MYH9: variants seen among roughly 807,000 people sequenced by gnomAD.
MYH9 encodes the protein myosin-9.
Under a neutral mutation model 241.9 loss-of-function variants are expected in MYH9, and 29 were observed. The ratio of observed to expected loss-of-function variants is 0.12; its 90% CI spans 0.09 to 0.16. MYH9 has a LOEUF of 0.16. Ranked by LOEUF, MYH9 falls within the 10% of genes least tolerant of loss-of-function variation. The probability of loss-of-function intolerance (pLI) is 1.00; values close to 1 mark genes in which losing one functional copy is unlikely to be tolerated. For synonymous variants in MYH9, 1,047 were observed against 1,062.6 expected (o/e 0.99, Z 0.29); for missense variants, 1,803 against 2,595.5 (o/e 0.69, Z 6.63).
chr22:36,351,445 G>A (rs977341163), intron 1 of MYH9, among the ~76,000 whole-genome samples: 1 of 152,186 alleles, frequency 6.6e-6, no homozygotes, highest in African/African-American at 2.4e-5. Context: ...TTTGCTGCGG[G>A]TCTGAGGTCT....
intron 1 of MYH9, among the ~76,000 whole-genome samples, chr22:36,371,759 T>G (rs1395914594): frequency 3.3e-5 from 5 of 151,974 alleles, no homozygotes; most frequent in Admixed American, 2.6e-4. Context: ...GGTCTCGAAC[T>G]CCTGACCTCA....
Position 36,286,739 on chromosome 22 carries a change from G to C in MYH9, c.5040C>G (p.Ala1680=). 2 of 1,612,992 alleles carry C rather than the reference G, an allele frequency of 1.2e-6. No individual in the cohort carries two copies. Among genetic ancestry groups the C allele is most frequent in the Non-Finnish European group, 1.7e-6 (2 of 1,180,030 alleles). ...ENEKKLKSME[A]EMIQLQEELA... Reference sequence around the variant, plus strand: ...CCACCTCCTGCAACTGGATCATCTCGGCCTCCATGCTCTTCAGCTTCTTCT... The same window carrying C: ...CCACCTCCTGCAACTGGATCATCTCCGCCTCCATGCTCTTCAGCTTCTTCT... The change falls in exon 35 of 41, where the codon GCC becomes GCG. Residue 1680 remains alanine (A), a synonymous_variant. Coordinates refer to ENST00000216181, the MANE Select transcript of MYH9 (RefSeq NM_002473.6).
At chr22:36,337,997 CTTT>C (rs80110900) in intron 3 of MYH9, among the ~76,000 whole-genome samples, 1 of 142,816 alleles carries the variant, frequency 7.0e-6, no homozygotes. Context: ...ACTTTCTTTT[CTTT>C]TTTTTTTTTT....
Position 36,284,150 on chromosome 22 carries a change from G to A in MYH9, c.5708C>T (p.Ala1903Val), listed in dbSNP as rs1429282349. 1 of 1,614,188 alleles carries A rather than the reference G, an allele frequency of 6.2e-7. No individual in the cohort carries two copies. The highest frequency in any genetic ancestry group is 1.3e-5 in the African/African-American group (1 of 75,084). The change falls in exon 40 of 41, where the codon GCC becomes GTC. Residue 1903 changes from alanine to valine, a missense_variant. By Grantham distance (64) the Ala-to-Val change is moderately conservative. This residue lies in a region of MYH9 where 876 missense variants were observed against 1,077.8 expected (regional missense o/e 0.81). Coordinates refer to ENST00000216181, the MANE Select transcript of MYH9 (RefSeq NM_002473.6). ...GTTCATGGCATCGGCCGTCTCAGTG[G>A]CGTCCTCCAGCTCGCGCTGCAGTTT... ...RRKLQRELED[A>V]TETADAMNRE... is the part of the protein sequence containing the mutation.
At chr22:36,298,276 C>A (rs2016819268) in intron 24 of MYH9, among the ~76,000 whole-genome samples, 1 of 152,072 alleles carries the variant, frequency 6.6e-6, no homozygotes, top group South Asian at 2.1e-4. Context: ...TCTCAAGGGG[C>A]AGGGCTGGGG....
chr22:36,329,786 A>G lies in MYH9; in HGVS notation c.491-2298T>C, dbSNP rs9607333. 0.49 allele frequency among the ~76,000 whole-genome samples: 73,920 copies of G among 152,090 alleles called. 20,020 individuals are homozygous for G. The highest frequency in any genetic ancestry group is 0.6 in the Non-Finnish European group (41,013 of 67,970). ...GCACACAGAGGCGCACGCACGCACAAGGGCATGGACACACACATAGACACG... is the reference window on the plus strand; with the variant it reads ...GCACACAGAGGCGCACGCACGCACAGGGGCATGGACACACACATAGACACG... On this transcript the variant is annotated intron_variant, in intron 3 of 40. Transcript: ENST00000216181. The surrounding 1 kb of genome is among the most constrained non-coding windows in gnomAD (Gnocchi z 4.1).
intron 31 of MYH9, among the ~76,000 whole-genome samples, chr22:36,289,998 C>T (rs1328123960): frequency 1.3e-5 from 2 of 152,160 alleles, no homozygotes; most frequent in African/African-American, 4.8e-5. Context: ...AATGCAGGGG[C>T]CGGATCCGGC....
intron 1 of MYH9, among the ~76,000 whole-genome samples, chr22:36,386,680 C>T (rs978359298): frequency 6.6e-6 from 1 of 152,200 alleles, no homozygotes; most frequent in African/African-American, 2.4e-5. Flanking sequence ...CTCTCCACAC[C>T]GGCTGGGTGG....
rs762281656 is a variant in MYH9, at chr22:36,297,040, G to T, written c.3101-26C>A. The T allele has an allele frequency of 5.0e-6, 8 of 1,611,584 alleles. No homozygotes were observed. In the East Asian group the frequency reaches 1.3e-4, roughly 27 times the overall value. ...CTGCAATGCAGGGGGAGCCCACATA[G>T]CCCTCAGTGCCATGGGTTCTGTCTC... On this transcript the variant is annotated intron_variant, in intron 24 of 40. Transcript: ENST00000216181.
In MYH9 at chr22:36,336,533, G is replaced by A. The variant is rs1252933665; in HGVS notation, c.490+4837C>T. ...TGGCCTTGGCCAGTTCAAAGCCTTT[G>A]GTGCCATCACAGAGTTCCGAGGAAC... is the stretch of plus-strand genomic sequence containing the variant. On this transcript the variant is annotated intron_variant, in intron 3 of 40. Coordinates refer to ENST00000216181, the MANE Select transcript of MYH9 (RefSeq NM_002473.6). 2.6e-5 allele frequency among the ~76,000 whole-genome samples: 4 copies of A among 152,224 alleles called. No individual in the cohort carries two copies. In the East Asian group the frequency reaches 5.8e-4, roughly 22 times the overall value.
intron 12 of MYH9, 153 bp downstream of exon 12, chr22:36,316,364 A>AG: frequency 8.6e-7 from 1 of 1,157,260 alleles, no homozygotes; most frequent in African/African-American, 1.6e-5. Flanking sequence ...AGAAAAAAAA[A>AG]AAAACAACCC....
chr22:36,320,471 G>C lies in MYH9; in HGVS notation c.869-108C>G. On this transcript the variant is annotated intron_variant, in intron 8 of 40. Transcript: ENST00000216181. This position sits in a 1 kb window ranked among gnomAD's most constrained non-coding sequence, Gnocchi z 4.8. ...GAGACTGGGACAGACCCTGAGCCCT[G>C]ACGCACCCTGGAAACCGCAGAGTAG... The C allele has an allele frequency of 6.9e-7, 1 of 1,444,256 alleles. No individual in the cohort carries two copies. 89.5% of individuals were successfully genotyped at this position (1,444,256 alleles called of 1,614,324 possible).
chr22:36,318,123 G>T, intron 11 of MYH9, 84 bp downstream of exon 11: 1 of 1,195,690 alleles, frequency 8.4e-7, no homozygotes, highest in Non-Finnish European at 1.2e-6. Flanking sequence ...GACACCCCAG[G>T]ATGGCCCACA....
intron 34 of MYH9, 24 bp from the exon 35 acceptor site, chr22:36,286,870 C>A: frequency 6.2e-7 from 1 of 1,602,778 alleles, no homozygotes. Flanking sequence ...AGAGGCTTGG[C>A]ACCCCACCCA....
Position 36,312,236 on chromosome 22 carries a change from A to T in MYH9, c.1555-14T>A. 1 of 1,613,866 alleles carries T rather than the reference A, an allele frequency of 6.2e-7. No individual in the cohort carries two copies. Among genetic ancestry groups the T allele is most frequent in the Non-Finnish European group, 8.5e-7 (1 of 1,180,004 alleles). On this transcript the variant is annotated splice_polypyrimidine_tract_variant and intron_variant, in intron 13 of 40. Coordinates refer to ENST00000216181, the MANE Select transcript of MYH9 (RefSeq NM_002473.6). Reference sequence around the variant, plus strand: ...CGGGGGGCCTGCCTGGAGGAAGCGCAGCATCAGCACAGGTGAGTGCACCCT... The same window carrying T: ...CGGGGGGCCTGCCTGGAGGAAGCGCTGCATCAGCACAGGTGAGTGCACCCT...
At chr22:36,292,701 G>A (rs887040361) in intron 30 of MYH9, among the ~76,000 whole-genome samples, 5 of 152,252 alleles carry the variant, frequency 3.3e-5, no homozygotes, top group African/African-American at 4.8e-5. Context: ...CTTCTGGCCT[G>A]GCACATGGAG....
At chr22:36,343,694 G>A (rs1047897933) in intron 2 of MYH9, among the ~76,000 whole-genome samples, 2 of 152,094 alleles carry the variant, frequency 1.3e-5, no homozygotes, top group Admixed American at 1.3e-4. Context: ...CTTTTCACAA[G>A]AGACCAGGAA....
intron 3 of MYH9, among the ~76,000 whole-genome samples, chr22:36,335,805 G>A (rs375853770): frequency 6.6e-6 from 1 of 152,202 alleles, no homozygotes; most frequent in Admixed American, 6.5e-5. Flanking sequence ...TCAGGAGACT[G>A]CTTTCTGGGG....
intron 6 of MYH9, chr22:36,322,060 C>A: frequency 1.7e-6 from 1 of 594,820 alleles, no homozygotes; most frequent in Non-Finnish European, 3.0e-6. Flanking sequence ...ATCCCACACC[C>A]AGGTTCCTCC....
Sources: allele counts gnomAD v4.1 joint callset (sites outside exome capture counted in the v4.1 genomes callset), GRCh38; gene constraint gnomAD v4.1.1; regional missense constraint gnomAD v4.1.1; non-coding constraint Gnocchi (gnomAD v3.1); transcripts MANE v1.5; gene names NCBI Gene and HGNC (gene_info 2026-07-23, HGNC 2026-07-21).